The following ITGA8 variants were observed in gnomAD, a reference collection of about 807,000 sequenced individuals.
ITGA8 encodes integrin subunit alpha 8.
In ITGA8, 91 loss-of-function variants were observed where a neutral mutation model predicts 142.3. The observed-to-expected ratio is 0.64, with a 90% confidence interval of 0.54 to 0.76. The LOEUF (loss-of-function observed/expected upper bound fraction) is 0.76, where lower values mean the gene tolerates loss of function less well. ITGA8 is among the 30% of genes least tolerant of loss of function. ITGA8 has a pLI of 0.00. For synonymous variants in ITGA8, 505 were observed against 485.2 expected, an observed-to-expected ratio of 1.04 and a Z score of -0.54; for missense variants, 1,406 against 1,327.7, an observed-to-expected ratio of 1.06 and a Z score of -0.92.
At chr10:15,538,077 G>C (rs4595440) in intron 27 of ITGA8, among the ~76,000 whole-genome samples, 30,106 of 152,100 alleles carry the variant, frequency 0.2, 4,028 homozygotes, top group African/African-American at 0.38. Context: ...GCTGCAATGA[G>C]ATGTGATTGC....
intron 24 of ITGA8, among the ~76,000 whole-genome samples, chr10:15,572,733 T>C (rs539024172): frequency 4.0e-4 from 61 of 152,348 alleles, no homozygotes; most frequent in Non-Finnish European, 7.1e-4. Flanking sequence ...GACTGTCTCT[T>C]TACATTGAAA....
In ITGA8 at chr10:15,609,559, C is replaced by T. The variant is rs182368802; in HGVS notation, c.1554-1269G>A. 4.8e-4 allele frequency among the ~76,000 whole-genome samples: 73 copies of T among 152,326 alleles called. No homozygotes were observed. The East Asian group carries it at 0.013, about 28-fold the overall frequency. ...GTTTCCTGAAATGTCTACGCTATTA[C>T]AAGTGTTTATTCCGCTTCCCCAGAG... On this transcript the variant is annotated intron_variant, in intron 15 of 29. Transcript: ENST00000378076.
intron 11 of ITGA8, among the ~76,000 whole-genome samples, chr10:15,650,410 G>C (rs1453085878): frequency 6.6e-6 from 1 of 152,192 alleles, no homozygotes; most frequent in African/African-American, 2.4e-5. Context: ...ATTAGGATTA[G>C]ATAAGGCCAT....
At chr10:15,608,354 T>G in intron 15 of ITGA8, 64 bp from the exon 16 acceptor site, 1 of 933,016 alleles carries the variant, frequency 1.1e-6, no homozygotes, top group Non-Finnish European at 1.7e-6. Flanking sequence ...AAGCCTTCCT[T>G]TACCTAATCC....
At chr10:15,557,977 G>T in intron 26 of ITGA8, 97 bp downstream of exon 26, 1 of 1,453,832 alleles carries the variant, frequency 6.9e-7, no homozygotes, top group South Asian at 1.2e-5. Flanking sequence ...CACTGAAGGA[G>T]ACCAAGAACA....
intron 8 of ITGA8, among the ~76,000 whole-genome samples, chr10:15,671,349 A>G (rs1220520578): frequency 6.6e-6 from 1 of 152,220 alleles, no homozygotes; most frequent in African/African-American, 2.4e-5. Context: ...TTTTTCATTC[A>G]TAACATGGGA....
chr10:15,606,181 C>A, intron 18 of ITGA8, 104 bp downstream of exon 18: 1 of 960,544 alleles, frequency 1.0e-6, no homozygotes, highest in Non-Finnish European at 1.5e-6. Context: ...TGTCTGCATG[C>A]AGAAGTAAAA....
chr10:15,674,361 A>T (rs1834586697), intron 6 of ITGA8, among the ~76,000 whole-genome samples: 1 of 152,210 alleles, frequency 6.6e-6, no homozygotes, highest in Non-Finnish European at 1.5e-5. Flanking sequence ...TGTCTCAAAC[A>T]TATGTTTCTA....
At chr10:15,637,504 ATTTTT>A (rs59157680) in intron 13 of ITGA8, among the ~76,000 whole-genome samples, 4 of 131,190 alleles carry the variant, frequency 3.0e-5, no homozygotes, top group African/African-American at 1.1e-4. Flanking sequence ...GACTCTTTAA[ATTTTT>A]TTTTTTTTTT....
Position 15,548,533 on chromosome 10 carries a change from A to C in ITGA8, c.2802T>G (p.Cys934Trp). The C allele has an allele frequency of 6.2e-7, 1 of 1,609,504 alleles. No individual in the cohort carries two copies. Among genetic ancestry groups the C allele is most frequent in the Non-Finnish European group, 8.5e-7 (1 of 1,178,670 alleles). ...CTCCTCCTTCGAGTCGTCCCACTGC[A>C]CAGGAGATTTGTAAACACTCGATAT... ...CTNIECLQIS[C>W]AVGRLEGGES... Residue 934 changes from cysteine (C) to tryptophan (W), a missense_variant, in exon 27 of 30, where the codon TGT becomes TGG. By Grantham distance (215) the Cys-to-Trp change is radical. Coordinates refer to ENST00000378076, the MANE Select transcript of ITGA8 (RefSeq NM_003638.3).
chr10:15,541,964 T>C (rs932243813), intron 27 of ITGA8, among the ~76,000 whole-genome samples: 1 of 152,212 alleles, frequency 6.6e-6, no homozygotes, highest in African/African-American at 2.4e-5. Context: ...TTTTGCTGTC[T>C]TTGCTCACTA....
intron 23 of ITGA8, among the ~76,000 whole-genome samples, chr10:15,584,414 T>C (rs1215616272): frequency 1.3e-5 from 2 of 152,216 alleles, no homozygotes; most frequent in African/African-American, 4.8e-5. Context: ...CATTTAGGAA[T>C]CAGGGGACCG....
At chr10:15,554,101 A>T (rs1564348892) in intron 26 of ITGA8, among the ~76,000 whole-genome samples, 1 of 152,142 alleles carries the variant, frequency 6.6e-6, no homozygotes, top group Non-Finnish European at 1.5e-5. Flanking sequence ...GAAATAAATT[A>T]TTATCAGAGT....
At chr10:15,555,748 T>C (rs1026175459) in intron 26 of ITGA8, among the ~76,000 whole-genome samples, 2 of 151,644 alleles carry the variant, frequency 1.3e-5, no homozygotes, top group African/African-American at 4.8e-5. Context: ...CAGGCTGGAG[T>C]GCAGTGGCGC....
chr10:15,625,446 C>T (rs770901216), intron 13 of ITGA8, among the ~76,000 whole-genome samples: 22 of 140,400 alleles, frequency 1.6e-4, no homozygotes, highest in African/African-American at 3.3e-4. Flanking sequence ...ACATGTGTGC[C>T]GTCTGTGCAA....
At chr10:15,617,244 T>C (rs1378583739) in intron 13 of ITGA8, among the ~76,000 whole-genome samples, 1 of 152,134 alleles carries the variant, frequency 6.6e-6, no homozygotes, top group African/African-American at 2.4e-5. Flanking sequence ...ATGAGTCAAT[T>C]GAGACTTAAG....
chr10:15,535,679 T>C (rs1833416163), intron 27 of ITGA8, among the ~76,000 whole-genome samples: 1 of 152,054 alleles, frequency 6.6e-6, no homozygotes, highest in South Asian at 2.1e-4. Context: ...CAGCACCCTG[T>C]CAAAACAGAC....
At chr10:15,652,701 A>C (rs1392241527) in intron 11 of ITGA8, among the ~76,000 whole-genome samples, 4 of 152,248 alleles carry the variant, frequency 2.6e-5, no homozygotes, top group African/African-American at 9.6e-5. Flanking sequence ...TTTTTAAATT[A>C]ACTGCTTTCA....
At chr10:15,574,831 A>G (rs1240846893) in intron 24 of ITGA8, among the ~76,000 whole-genome samples, 1 of 152,106 alleles carries the variant, frequency 6.6e-6, no homozygotes, top group Non-Finnish European at 1.5e-5. Flanking sequence ...ATATAAACAT[A>G]TCTGAAATAT....
Sources: gnomAD v4.1 joint callset for allele counts (sites outside exome capture counted in the v4.1 genomes callset) on GRCh38, gnomAD v4.1.1 for gene constraint, MANE v1.5 for transcripts, NCBI Gene and HGNC (gene_info 2026-07-23, HGNC 2026-07-21) for gene names.